Variants in MEI4 observed in about 807,000 individuals in gnomAD.
The protein encoded by MEI4 is meiosis-specific protein MEI4.
MEI4 carries 27 observed loss-of-function variants against 31.4 expected under a neutral mutation model. The ratio of observed to expected loss-of-function variants is 0.86; its 90% CI spans 0.63 to 1.19. MEI4 has a LOEUF of 1.19. Among genes scored for constraint, MEI4 ranks in the 50% most tolerant of loss-of-function variants. The probability of loss-of-function intolerance (pLI) is 0.00; values close to 1 mark genes in which losing one functional copy is unlikely to be tolerated. For missense variants in MEI4, 329 were observed against 398.9 expected, an observed-to-expected ratio of 0.82 and a Z score of 1.49; for synonymous variants, 122 against 145.4, an observed-to-expected ratio of 0.84 and a Z score of 1.16.
At chr6:77,793,557 A>C (rs1768995760) in intron 3 of MEI4, among the ~76,000 whole-genome samples, 1 of 152,130 alleles carries the variant, frequency 6.6e-6, no homozygotes, top group Admixed American at 6.5e-5. Context: ...TAAAAGAGAA[A>C]ATTGTCAAAT....
chr6:77,872,991 T>C (rs1284415208), intron 4 of MEI4, among the ~76,000 whole-genome samples: 1 of 151,586 alleles, frequency 6.6e-6, no homozygotes, highest in African/African-American at 2.4e-5. Context: ...TGTTGGACAT[T>C]TGGGTTGGTT....
rs545972623 is a variant in MEI4, at chr6:77,843,797, T to TA, written c.900+14740dup. ...TATTTAAAAAGGATGGGCTGACATT[T>TA]AAAAATAATCATTAATTTACTCATG... On this transcript the variant is annotated intron_variant, in intron 4 of 4. Transcript: ENST00000684080. Among the ~76,000 whole-genome samples, 213 of 152,184 alleles carry TA rather than the reference T, an allele frequency of 1.4e-3. 1 individual carries two copies. The highest frequency in any genetic ancestry group is 4.5e-3 in the African/African-American group (187 of 41,550).
chr6:77,729,482 T>G (rs4708359), intron 2 of MEI4, among the ~76,000 whole-genome samples: 14,004 of 152,188 alleles, frequency 0.092, 935 homozygotes, highest in East Asian at 0.31. Context: ...AGTATTGGTG[T>G]TTTCCAAAAA....
At chr6:77,787,605 C>T (rs931450209) in intron 3 of MEI4, among the ~76,000 whole-genome samples, 5 of 152,078 alleles carry the variant, frequency 3.3e-5, no homozygotes, top group Admixed American at 1.3e-4. Flanking sequence ...GAGGTGTTTG[C>T]TCCTTCAAAT....
chr6:77,750,198 A>G (rs1338235817), intron 2 of MEI4, among the ~76,000 whole-genome samples: 3 of 152,346 alleles, frequency 2.0e-5, no homozygotes, highest in East Asian at 1.9e-4. Flanking sequence ...AATGCTGTGA[A>G]GAAACTGCAT....
At chr6:77,908,660 A>G (rs1766356505) in intron 4 of MEI4, among the ~76,000 whole-genome samples, 1 of 152,070 alleles carries the variant, frequency 6.6e-6, no homozygotes, top group Admixed American at 6.6e-5. Flanking sequence ...TGAACTTTAA[A>G]GTAGCAAATG....
At chr6:77,748,435 G>C (rs1767672073) in intron 2 of MEI4, among the ~76,000 whole-genome samples, 1 of 152,188 alleles carries the variant, frequency 6.6e-6, no homozygotes, top group African/African-American at 2.4e-5. Context: ...AAGCTTTACT[G>C]TGGCCCCTTT....
At chr6:77,754,784 CGG>C (rs1362653860) in intron 2 of MEI4, among the ~76,000 whole-genome samples, 1 of 151,974 alleles carries the variant, frequency 6.6e-6, no homozygotes, top group Non-Finnish European at 1.5e-5. Flanking sequence ...TTCTTACATG[CGG>C]AGAGAGAGAG....
chr6:77,849,861 A>G (rs1770574306), intron 4 of MEI4, among the ~76,000 whole-genome samples: 1 of 152,158 alleles, frequency 6.6e-6, no homozygotes, highest in Admixed American at 6.6e-5. Flanking sequence ...TTTTGTTAAC[A>G]TTTGAGGCAG....
At chr6:77,868,242 CA>C (rs35228781) in intron 4 of MEI4, among the ~76,000 whole-genome samples, 2 of 146,626 alleles carry the variant, frequency 1.4e-5, no homozygotes, top group Non-Finnish European at 3.0e-5. Flanking sequence ...AAATTAAAAG[CA>C]AAAAAAAATG....
rs1346603641 is a variant in MEI4 at position 77,874,657 on chromosome 6, T to G, written c.900+45595T>G. Among the ~76,000 whole-genome samples, 6 of 152,196 alleles carry G rather than the reference T, an allele frequency of 3.9e-5. No individual in the cohort carries two copies. In the East Asian group the frequency reaches 7.7e-4, roughly 20 times the overall value. ...CCAACACTATGTTGAATAGGAATGG[T>G]GAGAGAGGGCATCCCTGTCTTGTGC... is the stretch of plus-strand genomic sequence containing the variant. On this transcript the variant is annotated intron_variant, in intron 4 of 4. Coordinates refer to ENST00000684080, the MANE Select transcript of MEI4 (RefSeq NM_001322247.2).
At chr6:77,891,760 G>A (rs1771773699) in intron 4 of MEI4, among the ~76,000 whole-genome samples, 1 of 152,026 alleles carries the variant, frequency 6.6e-6, no homozygotes, top group Non-Finnish European at 1.5e-5. Context: ...CAAGTTTTAT[G>A]GATTGATTTT....
intron 3 of MEI4, among the ~76,000 whole-genome samples, chr6:77,789,511 C>A (rs1448545479): frequency 2.0e-5 from 3 of 152,124 alleles, no homozygotes; most frequent in Non-Finnish European, 4.4e-5. Context: ...ACTCATCTGA[C>A]AAAGGGCTAA....
intron 1 of MEI4, among the ~76,000 whole-genome samples, chr6:77,685,824 T>C (rs1267591052): frequency 6.6e-6 from 1 of 152,194 alleles, no homozygotes; most frequent in African/African-American, 2.4e-5. Context: ...AGTATGAAGA[T>C]AGTTTCCTGT....
At chr6:77,811,398 G>A (rs1336406401) in intron 3 of MEI4, among the ~76,000 whole-genome samples, 3 of 152,162 alleles carry the variant, frequency 2.0e-5, no homozygotes, top group Non-Finnish European at 4.4e-5. Context: ...GTTTTGATAT[G>A]TGTTCATAGA....
At chr6:77,866,161 A>C (rs1271578992) in intron 4 of MEI4, among the ~76,000 whole-genome samples, 2 of 151,994 alleles carry the variant, frequency 1.3e-5, no homozygotes, top group Non-Finnish European at 2.9e-5. Flanking sequence ...TCTCTTTGAA[A>C]ACTGGCACAA....
chr6:77,836,349 C>T (rs1770218937), intron 4 of MEI4, among the ~76,000 whole-genome samples: 1 of 152,074 alleles, frequency 6.6e-6, no homozygotes, highest in Admixed American at 6.5e-5. Flanking sequence ...TAGAGTATTA[C>T]ATGCATACTT....
intron 4 of MEI4, among the ~76,000 whole-genome samples, chr6:77,842,965 G>T (rs928949486): frequency 4.6e-5 from 7 of 151,644 alleles, no homozygotes; most frequent in Non-Finnish European, 4.4e-5. Context: ...TAGACTTCGA[G>T]GGTTTCACTA....
chr6:77,658,508 G>T (rs886999441), intron 1 of MEI4, among the ~76,000 whole-genome samples: 2 of 152,174 alleles, frequency 1.3e-5, no homozygotes, highest in African/African-American at 4.8e-5. Flanking sequence ...GTGTTGAAGT[G>T]TTGGGGCGGT....
Sources: allele counts gnomAD v4.1 joint callset (sites outside exome capture counted in the v4.1 genomes callset), GRCh38; gene constraint gnomAD v4.1.1; transcripts MANE v1.5; gene names NCBI Gene and HGNC (gene_info 2026-07-23, HGNC 2026-07-21).